Variants in ZNF248 observed in about 807,000 individuals in gnomAD.
The protein encoded by ZNF248 is KRAB protein domain.
Under a neutral mutation model 44.3 loss-of-function variants are expected in ZNF248, and 20 were observed. The ratio of observed to expected loss-of-function variants is 0.45; its 90% CI spans 0.32 to 0.66. ZNF248 has a LOEUF of 0.66. Among genes scored for constraint, ZNF248 ranks in the 30% least tolerant of loss-of-function variants. ZNF248 has a pLI of 0.04. For missense variants in ZNF248, 654 were observed against 677.0 expected (o/e 0.97, Z 0.38); for synonymous variants, 224 against 229.0 (o/e 0.98, Z 0.20).
At chr10:37,788,306 A>G (rs866592347) in intron 6 of ZNF248, among the ~76,000 whole-genome samples, 1 of 150,412 alleles carries the variant, frequency 6.6e-6, no homozygotes, top group Non-Finnish European at 1.5e-5. Context: ...GACTTGAATG[A>G]GACATTTATC....
At chr10:37,823,580 T>C (rs1021202562) in intron 6 of ZNF248, among the ~76,000 whole-genome samples, 6 of 151,970 alleles carry the variant, frequency 3.9e-5, no homozygotes, top group African/African-American at 1.5e-4. Context: ...ATTTATTTTT[T>C]GGTTGTTTTT....
intron 6 of ZNF248, chr10:37,803,745 G>T (rs1174394630): frequency 6.6e-6 from 1 of 152,616 alleles, no homozygotes; most frequent in Non-Finnish European, 1.5e-5. Context: ...CTGACCTTCA[G>T]ATAACACACT....
chr10:37,794,075 G>A (rs12412402), intron 6 of ZNF248, among the ~76,000 whole-genome samples: 38,291 of 151,834 alleles, frequency 0.25, 5,025 homozygotes, highest in East Asian at 0.4. Flanking sequence ...TGATGTTCAC[G>A]GCTGCATTTC....
At chr10:37,786,807 C>T (rs1219695486) in intron 6 of ZNF248, among the ~76,000 whole-genome samples, 1 of 151,970 alleles carries the variant, frequency 6.6e-6, no homozygotes, top group Admixed American at 6.6e-5. Context: ...AGAGGCATTC[C>T]ATGTTTATGG....
downstream of ZNF248, among the ~76,000 whole-genome samples, chr10:37,828,120 A>G (rs1387981627): frequency 6.6e-6 from 1 of 152,194 alleles, no homozygotes; most frequent in African/African-American, 2.4e-5. Flanking sequence ...TATAAGAGAA[A>G]ATATCAAAGT....
chr10:37,778,157 G>A (rs2046826575), intron 6 of ZNF248, among the ~76,000 whole-genome samples: 1 of 152,156 alleles, frequency 6.6e-6, no homozygotes, highest in Non-Finnish European at 1.5e-5. Context: ...CACCAACAGT[G>A]TAAAAGTGTT....
At chr10:37,795,150 C>A (rs2049003403) in intron 6 of ZNF248, 1 of 152,152 alleles carries the variant, frequency 6.6e-6, no homozygotes, top group Non-Finnish European at 1.5e-5. Flanking sequence ...TCATTGGGTT[C>A]TTGTCCTGTA....
At chr10:37,839,877 C>A (rs1470893961) in intron 3 of ZNF248, among the ~76,000 whole-genome samples, 2 of 152,178 alleles carry the variant, frequency 1.3e-5, no homozygotes, top group Non-Finnish European at 2.9e-5. Flanking sequence ...CACATTCTAT[C>A]CTTCTGTTCG....
chr10:37,821,914 G>A (rs1165225546), intron 6 of ZNF248, among the ~76,000 whole-genome samples: 1 of 152,124 alleles, frequency 6.6e-6, no homozygotes, highest in Non-Finnish European at 1.5e-5. Context: ...TACCTCTCCA[G>A]TTCTCTGCCC....
chr10:37,767,790 G>T, the ZNF248 span, among the ~76,000 whole-genome samples: 1 of 152,196 alleles, frequency 6.6e-6, no homozygotes, highest in Admixed American at 6.5e-5. Flanking sequence ...AACTTTAAAT[G>T]TAAATGGACT....
At chr10:37,824,356 C>CCCT (rs1456083063), downstream of ZNF248, among the ~76,000 whole-genome samples, 18 of 152,174 alleles carry the variant, frequency 1.2e-4, no homozygotes, top group African/African-American at 4.3e-4. Flanking sequence ...ATCCAATACC[C>CCCT]CCTCACAGAT....
rs148614598 is a variant in ZNF248, at chr10:37,829,475, A to G, written c.*2140T>C. On this transcript the variant is annotated 3_prime_UTR_variant, in exon 6 of 6. Transcript: ENST00000395867. Reference sequence around the variant, plus strand: ...AATAATTCTTCCCCCTAATTACCATATAGAACATTAACACTTAGAAAAATA... The same window carrying G: ...AATAATTCTTCCCCCTAATTACCATGTAGAACATTAACACTTAGAAAAATA... 1.8e-5 allele frequency: 18 copies of G among 985,382 alleles called. No homozygotes were observed. In the East Asian group the frequency reaches 1.8e-3, roughly 99 times the overall value. The allele number at this position is 985,382 out of a possible 1,614,324, so 61.0% of individuals were successfully genotyped here. A position where few individuals can be genotyped will look rare whatever the true frequency, so the allele number is the denominator to read the frequency against.
the ZNF248 span, among the ~76,000 whole-genome samples, chr10:37,761,282 C>A: frequency 6.6e-6 from 1 of 152,150 alleles, no homozygotes. Flanking sequence ...TCCCTTAGGT[C>A]ATGAAGGCAG....
the ZNF248 span, among the ~76,000 whole-genome samples, chr10:37,770,213 G>T: frequency 6.6e-6 from 1 of 152,180 alleles, no homozygotes; most frequent in Non-Finnish European, 1.5e-5. Context: ...GTAATTTACA[G>T]ATTCAATGCC....
At chr10:37,802,343 C>G (rs1441215875) in intron 6 of ZNF248, among the ~76,000 whole-genome samples, 1 of 152,196 alleles carries the variant, frequency 6.6e-6, no homozygotes, top group Non-Finnish European at 1.5e-5. Flanking sequence ...GCCTAGAAAA[C>G]TTGCATGCAA....
At chr10:37,823,594 GAC>G (rs1350128636) in intron 6 of ZNF248, among the ~76,000 whole-genome samples, 1 of 151,852 alleles carries the variant, frequency 6.6e-6, no homozygotes, top group Admixed American at 6.6e-5. Context: ...TGTTTTTTGA[GAC>G]AGAGTCTCGC....
At chr10:37,849,805 G>A (rs1328118350) in intron 3 of ZNF248, among the ~76,000 whole-genome samples, 1 of 151,962 alleles carries the variant, frequency 6.6e-6, no homozygotes, top group Non-Finnish European at 1.5e-5. Flanking sequence ...GGATGCAGTG[G>A]TTCACGCCTG....
At chr10:37,770,792 A>G in the ZNF248 span, among the ~76,000 whole-genome samples, 20 of 152,286 alleles carry the variant, frequency 1.3e-4, no homozygotes, top group Middle Eastern at 3.4e-3. Flanking sequence ...TAAACTAAAG[A>G]GCTTCTGCAC....
intron 3 of ZNF248, among the ~76,000 whole-genome samples, chr10:37,853,196 C>T (rs946526955): frequency 1.2e-4 from 18 of 152,104 alleles, no homozygotes; most frequent in Non-Finnish European, 1.8e-4. Context: ...GAACCAACCC[C>T]TGCCAAAATA....
Sources: allele counts gnomAD v4.1 joint callset (sites outside exome capture counted in the v4.1 genomes callset), GRCh38; gene constraint gnomAD v4.1.1; transcripts MANE v1.5; gene names NCBI Gene and HGNC (gene_info 2026-07-23, HGNC 2026-07-21).